DYSF: variants seen among roughly 807,000 people sequenced by gnomAD.
DYSF encodes dysferlin.
Under a neutral mutation model 274.9 loss-of-function variants are expected in DYSF, and 212 were observed. The observed-to-expected ratio is 0.77, with a 90% CI of 0.69 to 0.86. The LOEUF is 0.86. DYSF is among the 40% of genes least tolerant of loss of function. The pLI, the probability that DYSF is intolerant of heterozygous loss-of-function variation, is 0.00. For synonymous variants in DYSF, 1,091 were observed against 1,078.7 expected (o/e 1.01, Z -0.22); for missense variants, 2,666 against 2,783.2 (o/e 0.96, Z 0.95).
At chr2:71,600,911 G>A in intron 34 of DYSF, 69 bp downstream of exon 34, 1 of 1,596,390 alleles carries the variant, frequency 6.3e-7, no homozygotes, top group South Asian at 1.1e-5. Flanking sequence ...CCCTCTGTGG[G>A]AGCCTGGAAC....
chr2:71,660,702 C>T (rs748384429), intron 45 of DYSF, 51 bp downstream of exon 45: 5 of 1,506,404 alleles, frequency 3.3e-6, no homozygotes, highest in Non-Finnish European at 2.8e-6. Flanking sequence ...ACAGGATAAC[C>T]CACAGTCTAG....
intron 30 of DYSF, 142 bp downstream of exon 30, chr2:71,574,513 C>T: frequency 2.9e-6 from 3 of 1,044,614 alleles, no homozygotes; most frequent in Non-Finnish European, 4.1e-6. Flanking sequence ...GGCGTCAGTA[C>T]CTGTGGGGTG....
chr2:71,606,177 C>A (rs7563513), intron 36 of DYSF, among the ~76,000 whole-genome samples: 1 of 152,112 alleles, frequency 6.6e-6, no homozygotes, highest in Non-Finnish European at 1.5e-5. Context: ...AACTGGCCAG[C>A]GGGACTGATA....
At chr2:71,574,075 G>A (rs967527215) in intron 29 of DYSF, 123 bp from the exon 30 acceptor site, 3 of 1,241,098 alleles carry the variant, frequency 2.4e-6, no homozygotes, top group Non-Finnish European at 3.4e-6. Flanking sequence ...CCCACCTGGA[G>A]GGCACTAGTG....
At position 71,555,101 on chromosome 2, in the gene DYSF, G is replaced by T. The variant is rs560838313; in HGVS notation, c.2110-864G>T. ...GAAAGGTGGACAGAGAAGGGAAAGAGGCCATGGTGGTCCCACCTTCCCAGA... is the reference window on the plus strand; with the variant it reads ...GAAAGGTGGACAGAGAAGGGAAAGATGCCATGGTGGTCCCACCTTCCCAGA... On this transcript the variant is annotated intron_variant, in intron 21 of 55. Transcript: ENST00000410020. 1.3e-3 allele frequency among the ~76,000 whole-genome samples: 204 copies of T among 152,232 alleles called. 1 individual carries two copies. The highest frequency in any genetic ancestry group is 0.01 in the Middle Eastern group (3 of 292).
At chr2:71,637,484 G>T (rs977508674) in intron 41 of DYSF, among the ~76,000 whole-genome samples, 7 of 152,164 alleles carry the variant, frequency 4.6e-5, no homozygotes, top group Non-Finnish European at 7.4e-5. Flanking sequence ...AGGTGCTAGA[G>T]GGCTGGGGAG....
chr2:71,669,590 A>G lies in DYSF; in HGVS notation c.5643-15A>G. The G allele has an allele frequency of 1.9e-6, 3 of 1,614,196 alleles. No individual in the cohort carries two copies. Among genetic ancestry groups the G allele is most frequent in the Middle Eastern group, 3.3e-4 (2 of 6,062 alleles). ...ATCTTAATGAGAACTATTCTCTAAA[A>G]ACATGTATGTCTAGTTGGATGATTG... On this transcript the variant is annotated splice_polypyrimidine_tract_variant and intron_variant, in intron 50 of 55. Transcript: ENST00000410020.
intron 1 of DYSF, among the ~76,000 whole-genome samples, chr2:71,479,552 C>T (rs1159813395): frequency 6.6e-6 from 1 of 152,250 alleles, no homozygotes; most frequent in Non-Finnish European, 1.5e-5. Context: ...GCCTACGGCT[C>T]TTCCATGGAA....
chr2:71,552,489 G>A (rs1199743321), intron 19 of DYSF, among the ~76,000 whole-genome samples: 2 of 152,206 alleles, frequency 1.3e-5, no homozygotes, highest in African/African-American at 4.8e-5. Flanking sequence ...TTCCTGCCCT[G>A]TCCCCATCCC....
chr2:71,455,467 C>A (rs1002917312), intron 1 of DYSF, among the ~76,000 whole-genome samples: 3 of 152,180 alleles, frequency 2.0e-5, no homozygotes, highest in Non-Finnish European at 4.4e-5. Context: ...CAGTTTCCCA[C>A]GTGGCCTCCG....
intron 55 of DYSF, among the ~76,000 whole-genome samples, chr2:71,683,679 A>G (rs1434824349): frequency 6.6e-6 from 1 of 152,226 alleles, no homozygotes; most frequent in African/African-American, 2.4e-5. Context: ...CTCCCAATCC[A>G]GGGCTCACTG....
intron 3 of DYSF, among the ~76,000 whole-genome samples, chr2:71,482,635 A>G (rs1291224427): frequency 6.6e-6 from 1 of 151,990 alleles, no homozygotes; most frequent in Non-Finnish European, 1.5e-5. Context: ...TGGGCCTTGT[A>G]AACGGAGGTG....
chr2:71,673,151 C>A (rs2152960137), intron 51 of DYSF, among the ~76,000 whole-genome samples: 1 of 152,334 alleles, frequency 6.6e-6, no homozygotes, highest in Admixed American at 6.5e-5. Context: ...CCACCATCTG[C>A]AGGGTGGTCA....
Position 71,648,085 on chromosome 2 carries a change from C to T in DYSF, c.4626+4022C>T, listed in dbSNP as rs78267771. Among the ~76,000 whole-genome samples, 1,379 of 152,164 alleles carry T rather than the reference C, an allele frequency of 9.1e-3. 66 individuals are homozygous for T. The highest frequency in any genetic ancestry group is 0.077 in the Admixed American group (1,171 of 15,296). On this transcript the variant is annotated intron_variant, in intron 42 of 55. Transcript: ENST00000410020. Reference sequence around the variant, plus strand: ...TTTAGTGAGAAATAATTTTTTAAAACGGTGTAGCCTGAATTCAAAAATCCT... The same window carrying T: ...TTTAGTGAGAAATAATTTTTTAAAATGGTGTAGCCTGAATTCAAAAATCCT...
chr2:71,531,427 C>T (rs1358332526), intron 14 of DYSF, among the ~76,000 whole-genome samples: 1 of 151,960 alleles, frequency 6.6e-6, no homozygotes, highest in Non-Finnish European at 1.5e-5. Context: ...AGTCTCCCAG[C>T]GTGTATGTTG....
chr2:71,601,131 G>T (rs924752858), intron 34 of DYSF: 2 of 588,036 alleles, frequency 3.4e-6, no homozygotes, highest in African/African-American at 1.9e-5. Context: ...CACAATGTGA[G>T]GGACTCCAGG....
Position 71,556,048 on chromosome 2 carries a change from G to A in DYSF, c.2193G>A (p.Thr731=), listed in dbSNP as rs754423332. ...TGGACTCGCTGGTGGCTCAGCTGAC[G>A]GATGAGCTCATCGCAGGCTGCAGGT... ...EDVDSLVAQL[T]DELIAGCSQP... is the part of the protein sequence containing the mutation. The change falls in exon 22 of 56, where the codon ACG becomes ACA. Residue 731 remains threonine, a synonymous_variant. Coordinates refer to ENST00000410020, the MANE Select transcript of DYSF (RefSeq NM_001130987.2). 1.3e-5 allele frequency: 20 copies of A among 1,576,028 alleles called. No individual in the cohort carries two copies. Among genetic ancestry groups the A allele is most frequent in the South Asian group, 4.7e-5 (4 of 85,650 alleles).
At chr2:71,683,842 AT>A (rs2095325613) in intron 55 of DYSF, among the ~76,000 whole-genome samples, 5 of 152,252 alleles carry the variant, frequency 3.3e-5, no homozygotes, top group African/African-American at 4.8e-5. Context: ...GAGCCCCTCC[AT>A]CCCACTGCAG....
chr2:71,633,544 C>T (rs1366790928), intron 41 of DYSF, among the ~76,000 whole-genome samples: 1 of 152,114 alleles, frequency 6.6e-6, no homozygotes, highest in Non-Finnish European at 1.5e-5. Context: ...TACTCTGAGC[C>T]TTACAGTAAC....
Sources: allele counts gnomAD v4.1 joint callset (sites outside exome capture counted in the v4.1 genomes callset), GRCh38; gene constraint gnomAD v4.1.1; transcripts MANE v1.5; gene names NCBI Gene and HGNC (gene_info 2026-07-23, HGNC 2026-07-21).